LRRC4C: variants seen among roughly 807,000 people sequenced by gnomAD.
The protein encoded by LRRC4C is leucine-rich repeat-containing protein 4C.
A neutral mutation model predicts 33.6 loss-of-function variants in LRRC4C; 5 were observed. That is an observed-to-expected ratio of 0.15 (90% CI 0.08 to 0.31). The LOEUF (loss-of-function observed/expected upper bound fraction) is 0.31, where lower values mean the gene tolerates loss of function less well. Ranked by LOEUF, LRRC4C falls within the 10% of genes least tolerant of loss-of-function variation. The pLI is 1.00. For synonymous variants in LRRC4C, 329 were observed against 302.0 expected, an observed-to-expected ratio of 1.09 and a Z score of -0.93; for missense variants, 560 against 796.7, an observed-to-expected ratio of 0.70 and a Z score of 3.58.
rs776363380 is a variant in LRRC4C, at chr11:40,115,945, T to C, written c.348A>G (p.Glu116=). 2.5e-6 allele frequency: 4 copies of C among 1,614,036 alleles called. No individual in the cohort carries two copies. In the Admixed American group the frequency reaches 6.7e-5, roughly 27 times the overall value. Residue 116 remains glutamate (E), a synonymous_variant, in exon 7 of 7, where the codon GAA becomes GAG. Coordinates refer to ENST00000528697, the MANE Select transcript of LRRC4C (RefSeq NM_001258419.2). The surrounding 1 kb of genome is among the most constrained non-coding windows in gnomAD (Gnocchi z 6.7). ...TCGCCAGACCATTGAAAGCCCCAAT[T>C]TCAATGGTTCTGATATGGTTCCTAC... ...QLSRNHIRTI[E]IGAFNGLANL...
chr11:41,332,572 C>A (rs1353444533), intron 1 of LRRC4C, among the ~76,000 whole-genome samples: 1 of 152,182 alleles, frequency 6.6e-6, no homozygotes, highest in African/African-American at 2.4e-5. Flanking sequence ...ATACACTAAA[C>A]TCTTTTCTTG....
chr11:41,053,108 A>G (rs61877031), intron 1 of LRRC4C, among the ~76,000 whole-genome samples: 19,080 of 152,084 alleles, frequency 0.13, 1,283 homozygotes, highest in Non-Finnish European at 0.14. Flanking sequence ...CTGTCAGATG[A>G]CTCCCAATGA....
chr11:40,755,923 T>C (rs538856672), intron 2 of LRRC4C, among the ~76,000 whole-genome samples: 1 of 152,232 alleles, frequency 6.6e-6, no homozygotes, highest in East Asian at 1.9e-4. Flanking sequence ...AGAATGTGAC[T>C]GTATTTAGCA....
chr11:40,445,995 C>A (rs1951617419), intron 3 of LRRC4C: 1 of 152,188 alleles, frequency 6.6e-6, no homozygotes, highest in Non-Finnish European at 1.5e-5. Flanking sequence ...ATTCTTTACA[C>A]ACATATGATT....
At chr11:40,586,180 A>ATGG (rs1355373890) in intron 3 of LRRC4C, among the ~76,000 whole-genome samples, 5 of 151,992 alleles carry the variant, frequency 3.3e-5, no homozygotes, top group Middle Eastern at 3.4e-3. Context: ...CTGGTGTGAG[A>ATGG]TGGTATCTCA....
intron 1 of LRRC4C, among the ~76,000 whole-genome samples, chr11:40,973,175 A>C (rs1851845013): frequency 6.6e-6 from 1 of 152,100 alleles, no homozygotes. Flanking sequence ...CCTCTTTTCT[A>C]TACAAATTAC....
chr11:40,888,195 T>C (rs1024663226), intron 2 of LRRC4C, among the ~76,000 whole-genome samples: 1 of 151,882 alleles, frequency 6.6e-6, no homozygotes, highest in Non-Finnish European at 1.5e-5. Context: ...TCTCCGGAAA[T>C]AAATGTGATC....
intron 3 of LRRC4C, among the ~76,000 whole-genome samples, chr11:40,548,029 A>C (rs182337099): frequency 6.6e-6 from 1 of 152,230 alleles, no homozygotes; most frequent in East Asian, 1.9e-4. Context: ...TGAAGTGAAT[A>C]GTATGTCAAA....
chr11:40,434,925 T>A (rs1951085349), intron 3 of LRRC4C, among the ~76,000 whole-genome samples: 1 of 152,136 alleles, frequency 6.6e-6, no homozygotes, highest in Non-Finnish European at 1.5e-5. Flanking sequence ...TGTAACAATA[T>A]TTTTAAAAGG....
intron 2 of LRRC4C, among the ~76,000 whole-genome samples, chr11:40,826,646 G>A (rs1952180601): frequency 6.6e-6 from 1 of 151,908 alleles, no homozygotes; most frequent in African/African-American, 2.4e-5. Flanking sequence ...TTTCCAGTTG[G>A]TTCCATTTTT....
intron 1 of LRRC4C, among the ~76,000 whole-genome samples, chr11:41,455,042 A>G (rs941848547): frequency 9.9e-5 from 15 of 152,134 alleles, no homozygotes; most frequent in African/African-American, 3.6e-4. Flanking sequence ...GAGATTAGGT[A>G]TCTGATCTCA....
intron 1 of LRRC4C, among the ~76,000 whole-genome samples, chr11:41,129,825 C>T: frequency 6.6e-6 from 1 of 151,762 alleles, no homozygotes; most frequent in East Asian, 1.9e-4. Flanking sequence ...GGTTATAGAC[C>T]CTTTTCTCCC....
intron 1 of LRRC4C, among the ~76,000 whole-genome samples, chr11:41,328,669 G>A (rs190441478): frequency 2.1e-4 from 32 of 152,284 alleles, no homozygotes; most frequent in Admixed American, 1.7e-3. Context: ...ATTATAGGGT[G>A]TTTTCTAACC....
At chr11:40,243,685 A>ATTT (rs1866097579) in intron 4 of LRRC4C, among the ~76,000 whole-genome samples, 2 of 139,760 alleles carry the variant, frequency 1.4e-5, no homozygotes, top group African/African-American at 5.3e-5. Context: ...AAAAACTTAT[A>ATTT]TCTTTTTTTT....
At chr11:40,765,826 A>G (rs903825380) in intron 2 of LRRC4C, among the ~76,000 whole-genome samples, 11 of 152,056 alleles carry the variant, frequency 7.2e-5, no homozygotes, top group Admixed American at 2.0e-4. Flanking sequence ...ACACACTGAT[A>G]AGATGTAGAA....
chr11:40,774,529 T>G (rs934753033), intron 2 of LRRC4C, among the ~76,000 whole-genome samples: 5 of 152,122 alleles, frequency 3.3e-5, no homozygotes, highest in Non-Finnish European at 5.9e-5. Context: ...GGAAATACTT[T>G]CTAATCATGA....
At chr11:40,885,941 G>T (rs997108839) in intron 2 of LRRC4C, among the ~76,000 whole-genome samples, 4 of 152,130 alleles carry the variant, frequency 2.6e-5, no homozygotes, top group African/African-American at 4.8e-5. Flanking sequence ...AATGCATGGG[G>T]CTAGGAGCAA....
chr11:40,748,657 G>C (rs1263857298), intron 2 of LRRC4C, among the ~76,000 whole-genome samples: 2 of 152,030 alleles, frequency 1.3e-5, no homozygotes, highest in Non-Finnish European at 2.9e-5. Context: ...AATGTAAATT[G>C]ATTAAATTTT....
intron 2 of LRRC4C, among the ~76,000 whole-genome samples, chr11:40,680,749 C>G (rs190996314): frequency 2.0e-4 from 31 of 152,248 alleles, no homozygotes. Context: ...TGCCCAATCT[C>G]AGGTATGTCT....
Sources: gnomAD v4.1 joint callset for allele counts (sites outside exome capture counted in the v4.1 genomes callset) on GRCh38, gnomAD v4.1.1 for gene constraint, Gnocchi (gnomAD v3.1) non-coding constraint, MANE v1.5 for transcripts, NCBI Gene and HGNC (gene_info 2026-07-23, HGNC 2026-07-21) for gene names.